Variants in PCDH15 observed in about 807,000 individuals in gnomAD.
PCDH15 encodes protocadherin-15.
Under a neutral mutation model 178.5 loss-of-function variants are expected in PCDH15, and 129 were observed. That is an observed-to-expected ratio of 0.72 (90% CI 0.63 to 0.84). The LOEUF is 0.84. PCDH15 is among the 40% of genes least tolerant of loss of function. PCDH15 has a pLI of 0.00. For missense variants in PCDH15, 2,230 were observed against 2,099.9 expected (o/e 1.06, Z -1.21); for synonymous variants, 800 against 732.0 (o/e 1.09, Z -1.50).
At chr10:53,971,001 C>T (rs1004824539) in intron 21 of PCDH15, among the ~76,000 whole-genome samples, 6 of 152,158 alleles carry the variant, frequency 3.9e-5, no homozygotes, top group Non-Finnish European at 5.9e-5. Flanking sequence ...AGAATTTAAA[C>T]CAATATCCCT....
At chr10:54,940,866 T>C (rs1297855406) in intron 2 of PCDH15, among the ~76,000 whole-genome samples, 3 of 152,134 alleles carry the variant, frequency 2.0e-5, no homozygotes, top group Non-Finnish European at 4.4e-5. Flanking sequence ...TTGTGGTTGC[T>C]ATCATTTCCA....
At chr10:53,817,895 A>C (rs1399309783) in intron 34 of PCDH15, 100 bp downstream of exon 34, 1 of 397,606 alleles carries the variant, frequency 2.5e-6, no homozygotes, top group African/African-American at 2.1e-5. Context: ...CTGAAATCAA[A>C]GAAAATAAAC....
intron 2 of PCDH15, among the ~76,000 whole-genome samples, chr10:55,339,930 A>G (rs35644748): frequency 6.6e-6 from 1 of 151,662 alleles, no homozygotes; most frequent in South Asian, 2.1e-4. Flanking sequence ...GAAACATTAA[A>G]CAAAGAAAAA....
intron 4 of PCDH15, among the ~76,000 whole-genome samples, chr10:54,378,498 A>G (rs1461731324): frequency 6.6e-6 from 1 of 152,030 alleles, no homozygotes; most frequent in East Asian, 1.9e-4. Flanking sequence ...TGCTTGTCCT[A>G]CTTTGCCAAG....
At chr10:54,412,817 G>A (rs1345761274) in intron 3 of PCDH15, among the ~76,000 whole-genome samples, 1 of 152,138 alleles carries the variant, frequency 6.6e-6, no homozygotes, top group Non-Finnish European at 1.5e-5. Context: ...CGCTTCCCTG[G>A]TTCAAGGGAT....
At chr10:53,813,848 A>G (rs2075966247) in intron 35 of PCDH15, among the ~76,000 whole-genome samples, 1 of 152,200 alleles carries the variant, frequency 6.6e-6, no homozygotes, top group Non-Finnish European at 1.5e-5. Context: ...GCCAGAAGGA[A>G]AACTGATATC....
chr10:54,202,765 T>C (rs1390222132), intron 10 of PCDH15, among the ~76,000 whole-genome samples: 1 of 150,236 alleles, frequency 6.7e-6, no homozygotes, highest in Non-Finnish European at 1.5e-5. Context: ...TGAGCCAAGA[T>C]TGCGCCACTA....
chr10:54,056,230 C>G (rs1057032082), intron 18 of PCDH15, among the ~76,000 whole-genome samples: 51 of 152,146 alleles, frequency 3.4e-4, no homozygotes, highest in Admixed American at 3.3e-3. Flanking sequence ...TTTACCATTT[C>G]TGTGTGTGGA....
At chr10:54,970,258 T>C (rs1204184451) in intron 2 of PCDH15, among the ~76,000 whole-genome samples, 2 of 152,210 alleles carry the variant, frequency 1.3e-5, no homozygotes, top group African/African-American at 4.8e-5. Flanking sequence ...TACCCTGGAT[T>C]CTGATATTTT....
At chr10:55,011,137 T>C (rs1255090970) in intron 2 of PCDH15, among the ~76,000 whole-genome samples, 1 of 152,010 alleles carries the variant, frequency 6.6e-6, no homozygotes, top group East Asian at 1.9e-4. Context: ...TGCATACACA[T>C]GCATTTTAGA....
At chr10:53,952,966 G>A (rs2087224380) in intron 23 of PCDH15, among the ~76,000 whole-genome samples, 1 of 152,252 alleles carries the variant, frequency 6.6e-6, no homozygotes, top group Non-Finnish European at 1.5e-5. Flanking sequence ...AACACACTTT[G>A]AGCATGCAGC....
intron 1 of PCDH15, among the ~76,000 whole-genome samples, chr10:54,690,897 A>AT (rs751267236): frequency 5.3e-5 from 8 of 151,980 alleles, no homozygotes; most frequent in Non-Finnish European, 1.2e-4. Context: ...AAAATGTCCA[A>AT]TTTTTTTCTC....
At chr10:54,256,527 A>C (rs1445751905) in intron 8 of PCDH15, among the ~76,000 whole-genome samples, 1 of 152,174 alleles carries the variant, frequency 6.6e-6, no homozygotes, top group East Asian at 1.9e-4. Context: ...CAAAAGCTTC[A>C]AGTAATAAGT....
chr10:55,295,790 C>A (rs565023584), intron 1 of PCDH15, among the ~76,000 whole-genome samples: 1 of 152,210 alleles, frequency 6.6e-6, no homozygotes, highest in Non-Finnish European at 1.5e-5. Flanking sequence ...ACTCTCTGGA[C>A]ACCAATAGAG....
At position 54,730,704 on chromosome 10, in the gene PCDH15, A is replaced by G. The variant is rs867165764; in HGVS notation, c.-28-66414T>C. Among the ~76,000 whole-genome samples, 10 of 151,682 alleles carry G rather than the reference A, an allele frequency of 6.6e-5. 1 individual carries two copies. The highest frequency in any genetic ancestry group is 1.3e-4 in the Admixed American group (2 of 15,136). On this transcript the variant is annotated intron_variant, in intron 1 of 37. Transcript: ENST00000644397. The stretch of plus-strand genomic sequence containing the variant: ...ATGATGCTGAGAAAACTGGATAACC[A>G]TATGTAAAAGAATGAAAATGGACTC...
At chr10:55,455,683 T>C (rs1169126707) in intron 2 of PCDH15, among the ~76,000 whole-genome samples, 1 of 152,154 alleles carries the variant, frequency 6.6e-6, no homozygotes, top group African/African-American at 2.4e-5. Flanking sequence ...TCACTGAGCA[T>C]ACAAATTAGT....
intron 2 of PCDH15, chr10:55,599,995 T>C (rs1163139882): frequency 9.3e-6 from 13 of 1,394,754 alleles, no homozygotes; most frequent in Non-Finnish European, 1.2e-5. Context: ...GAAGACCCTG[T>C]GGAGCTTGAA....
intron 3 of PCDH15, among the ~76,000 whole-genome samples, chr10:54,890,746 A>G (rs779965552): frequency 2.0e-5 from 3 of 152,074 alleles, no homozygotes; most frequent in Non-Finnish European, 4.4e-5. Context: ...TTCCTACAGA[A>G]TATGTAGTGG....
intron 1 of PCDH15, among the ~76,000 whole-genome samples, chr10:54,732,072 T>C (rs897521172): frequency 2.7e-5 from 4 of 150,658 alleles, no homozygotes; most frequent in Non-Finnish European, 4.5e-5. Context: ...ACATCTATTA[T>C]GAATCAATGC....
Sources: gnomAD v4.1 joint callset for allele counts (sites outside exome capture counted in the v4.1 genomes callset) on GRCh38, gnomAD v4.1.1 for gene constraint, MANE v1.5 for transcripts, NCBI Gene and HGNC (gene_info 2026-07-23, HGNC 2026-07-21) for gene names.